The following DCBLD2 variants were observed in gnomAD, a reference collection of about 807,000 sequenced individuals.
DCBLD2 encodes discoidin, CUB and LCCL domain containing 2.
Under a neutral mutation model 86.8 loss-of-function variants are expected in DCBLD2, and 54 were observed. That is an observed-to-expected ratio of 0.62 (90% confidence interval 0.50 to 0.78). The LOEUF is 0.78. Among genes scored for constraint, DCBLD2 ranks in the 30% least tolerant of loss-of-function variants. DCBLD2 has a pLI of 0.00. For missense variants in DCBLD2, 908 were observed against 954.2 expected (o/e 0.95, Z 0.64); for synonymous variants, 354 against 341.3 (o/e 1.04, Z -0.41).
chr3:98,801,758 A>G (rs9860216), intron 13 of DCBLD2, 109 bp from the exon 14 acceptor site: 310,716 of 728,468 alleles, frequency 0.43, 68,342 homozygotes, highest in African/African-American at 0.46. Flanking sequence ...TCCTGTGTCC[A>G]AGTGTTCTCA....
intron 3 of DCBLD2, among the ~76,000 whole-genome samples, chr3:98,836,912 G>T (rs1406367719): frequency 1.4e-4 from 11 of 79,726 alleles, no homozygotes; most frequent in South Asian, 4.6e-4. Context: ...CGGCTGGCCG[G>T]GCGGGGGGCT....
At chr3:98,834,909 C>T (rs537402040) in intron 3 of DCBLD2, among the ~76,000 whole-genome samples, 33 of 150,896 alleles carry the variant, frequency 2.2e-4, no homozygotes, top group African/African-American at 8.0e-4. Context: ...ATTCCTACTG[C>T]TTGTCTTTAA....
intron 1 of DCBLD2, among the ~76,000 whole-genome samples, chr3:98,898,451 C>A (rs1343779146): frequency 6.6e-6 from 1 of 150,726 alleles, no homozygotes; most frequent in Non-Finnish European, 1.5e-5. Flanking sequence ...ATCAAAGAAA[C>A]CTTTTTTGCA....
At chr3:98,830,288 T>G (rs1942296690) in intron 3 of DCBLD2, among the ~76,000 whole-genome samples, 1 of 152,226 alleles carries the variant, frequency 6.6e-6, no homozygotes. Context: ...TTGTTTTTGG[T>G]GTCTTCATCA....
At chr3:98,878,714 T>A (rs1305568119) in intron 2 of DCBLD2, among the ~76,000 whole-genome samples, 1 of 152,110 alleles carries the variant, frequency 6.6e-6, no homozygotes, top group Non-Finnish European at 1.5e-5. Flanking sequence ...GTAGGTGTGA[T>A]GGGGGAAGGG....
At chr3:98,841,048 T>C (rs1016248749) in intron 3 of DCBLD2, among the ~76,000 whole-genome samples, 2 of 152,204 alleles carry the variant, frequency 1.3e-5, no homozygotes, top group Admixed American at 6.5e-5. Context: ...TATACACTAG[T>C]CTTCACAGTA....
At chr3:98,834,861 T>G (rs1216584765) in intron 3 of DCBLD2, among the ~76,000 whole-genome samples, 1 of 152,218 alleles carries the variant, frequency 6.6e-6, no homozygotes. Context: ...TGGAACTTCC[T>G]TTTTCAAACC....
At chr3:98,841,734 T>G (rs1340702107) in intron 3 of DCBLD2, among the ~76,000 whole-genome samples, 1 of 152,226 alleles carries the variant, frequency 6.6e-6, no homozygotes, top group Admixed American at 6.5e-5. Flanking sequence ...TAAACATTTT[T>G]GCACAGTTGA....
intron 2 of DCBLD2, among the ~76,000 whole-genome samples, chr3:98,868,085 G>A (rs1401046385): frequency 6.6e-6 from 1 of 152,092 alleles, no homozygotes; most frequent in South Asian, 2.1e-4. Flanking sequence ...TTACAGGCGT[G>A]AGCCACCGTG....
At chr3:98,867,874 T>C (rs1453439644) in intron 2 of DCBLD2, among the ~76,000 whole-genome samples, 5 of 151,574 alleles carry the variant, frequency 3.3e-5, no homozygotes, top group African/African-American at 9.7e-5. Flanking sequence ...ACAATCTTGG[T>C]TCACTGCAAG....
Position 98,819,319 on chromosome 3 carries a change from T to A in DCBLD2, c.970A>T (p.Asn324Tyr). The A allele has an allele frequency of 6.2e-7, 1 of 1,613,858 alleles. No homozygotes were observed. Among genetic ancestry groups the A allele is most frequent in the Non-Finnish European group, 8.5e-7 (1 of 1,179,826 alleles). The change falls in exon 8 of 16, where the codon AAC becomes TAC. Residue 324 changes from asparagine to tyrosine, a missense_variant. Physicochemically the swap from Asn to Tyr is moderately radical, Grantham distance 143 (BLOSUM62 -2). This residue lies in a region of DCBLD2 where 606 missense variants were observed against 678.5 expected (regional missense o/e 0.89). Coordinates refer to ENST00000326840, the MANE Select transcript of DCBLD2 (RefSeq NM_080927.4). Reference protein sequence around the residue: ...LEWTDHTGQENSWKPKKARLK... With the variant: ...LEWTDHTGQEYSWKPKKARLK... ...CTGGCTTTTTTGGGTTTCCAACTGT[T>A]CTCTTGCCCTGTGTGGTCAGTCCAC...
chr3:98,814,745 G>A (rs1005924797), intron 9 of DCBLD2: 4 of 152,174 alleles, frequency 2.6e-5, no homozygotes, highest in African/African-American at 9.7e-5. Context: ...GGAGCAGATG[G>A]ACTTACATGA....
chr3:98,866,614 T>C (rs958271463), intron 2 of DCBLD2, among the ~76,000 whole-genome samples: 8 of 152,236 alleles, frequency 5.3e-5, no homozygotes, highest in Non-Finnish European at 8.8e-5. Context: ...TAGCCCTTTG[T>C]CTGATGAGTA....
chr3:98,858,939 G>A (rs1475100268), intron 2 of DCBLD2, among the ~76,000 whole-genome samples: 1 of 152,218 alleles, frequency 6.6e-6, no homozygotes, highest in East Asian at 1.9e-4. Context: ...CGCTTCACCT[G>A]GGAAGCGCGT....
At chr3:98,866,911 A>T (rs187049531) in intron 2 of DCBLD2, among the ~76,000 whole-genome samples, 1 of 152,216 alleles carries the variant, frequency 6.6e-6, no homozygotes, top group Non-Finnish European at 1.5e-5. Context: ...ATCCAGTTTC[A>T]GCTTTTTACA....
At chr3:98,839,179 T>TTCCTTC (rs1559781597) in intron 3 of DCBLD2, among the ~76,000 whole-genome samples, 15,010 of 113,066 alleles carry the variant, frequency 0.13, 1,382 homozygotes, top group East Asian at 0.44. Context: ...TTCCTTTCTT[T>TTCCTTC]CTTCCTTCCT....
chr3:98,803,206 C>T (rs540295212), intron 13 of DCBLD2, among the ~76,000 whole-genome samples: 3,680 of 152,134 alleles, frequency 0.024, 62 homozygotes, highest in Non-Finnish European at 0.036. Context: ...CATTTGTTTG[C>T]GTCCTCTTTT....
intron 10 of DCBLD2, 149 bp downstream of exon 10, chr3:98,812,183 A>AT (rs59193460): frequency 2.0e-4 from 222 of 1,118,284 alleles, no homozygotes; most frequent in Non-Finnish European, 2.4e-4. Context: ...TAGGGTAACC[A>AT]TTTTTTTTAA....
chr3:98,877,160 A>G (rs982983986), intron 2 of DCBLD2, among the ~76,000 whole-genome samples: 1 of 152,174 alleles, frequency 6.6e-6, no homozygotes, highest in African/African-American at 2.4e-5. Context: ...ATATTCAACA[A>G]AAGAGAAAGA....
Sources: gnomAD v4.1 joint callset for allele counts (sites outside exome capture counted in the v4.1 genomes callset) on GRCh38, gnomAD v4.1.1 for gene constraint, gnomAD v4.1.1 regional missense constraint, MANE v1.5 for transcripts, NCBI Gene and HGNC (gene_info 2026-07-23, HGNC 2026-07-21) for gene names.